SH3BP4: variants seen among roughly 807,000 people sequenced by gnomAD.
SH3BP4 encodes SH3 domain binding protein 4, also known as SH3 domain-binding protein 4.
Under a neutral mutation model 65.5 loss-of-function variants are expected in SH3BP4, and 33 were observed. The ratio of observed to expected loss-of-function variants is 0.50; its 90% CI spans 0.38 to 0.67. The LOEUF (loss-of-function observed/expected upper bound fraction) is 0.67, where lower values mean the gene tolerates loss of function less well. Ranked by LOEUF, SH3BP4 falls within the 30% of genes least tolerant of loss-of-function variation. SH3BP4 has a pLI of 0.00. For synonymous variants in SH3BP4, 552 were observed against 545.5 expected (o/e 1.01, Z -0.17); for missense variants, 1,134 against 1,261.4 (o/e 0.90, Z 1.53).
At position 234,974,853 on chromosome 2, in the gene SH3BP4, G is replaced by T. The variant is rs1460643935; in HGVS notation, c.-206-20450G>T. Among the ~76,000 whole-genome samples the T allele has an allele frequency of 6.6e-6, 1 of 152,160 alleles. No homozygotes were observed. Among genetic ancestry groups the T allele is most frequent in the Non-Finnish European group, 1.5e-5 (1 of 68,028 alleles). Reference sequence around the variant, plus strand: ...GCCAGTCAGTGTGCCCACACTGGGGGTGCTGCAGGTCGCGTTTCACCCTGG... The same window carrying T: ...GCCAGTCAGTGTGCCCACACTGGGGTTGCTGCAGGTCGCGTTTCACCCTGG... On this transcript the variant is annotated intron_variant, in intron 1 of 5. Transcript: ENST00000392011. This position sits in a 1 kb window ranked among gnomAD's most constrained non-coding sequence, Gnocchi z 4.6.
intron 2 of SH3BP4, among the ~76,000 whole-genome samples, chr2:235,017,630 G>A (rs962074489): frequency 6.6e-6 from 1 of 151,898 alleles, no homozygotes; most frequent in Non-Finnish European, 1.5e-5. Context: ...TTGCTTTATC[G>A]ACATGAGTGA....
At chr2:235,036,544 A>C (rs1695384904) in intron 3 of SH3BP4, among the ~76,000 whole-genome samples, 1 of 152,062 alleles carries the variant, frequency 6.6e-6, no homozygotes, top group Non-Finnish European at 1.5e-5. Flanking sequence ...TCACGAGGTC[A>C]GGAGTTCGAG....
At chr2:235,047,158 G>T (rs889911595) in intron 4 of SH3BP4, among the ~76,000 whole-genome samples, 4 of 152,204 alleles carry the variant, frequency 2.6e-5, no homozygotes, top group African/African-American at 9.7e-5. Context: ...TTCAAGGGAG[G>T]GGCAAAGGCA....
At position 234,978,434 on chromosome 2, in the gene SH3BP4, C is replaced by T. The variant is rs1487029871; in HGVS notation, c.-206-16869C>T. On this transcript the variant is annotated intron_variant, in intron 1 of 5. Transcript: ENST00000392011. This position sits in a 1 kb window ranked among gnomAD's most constrained non-coding sequence, Gnocchi z 4.1. ...TGCAGTCACTGCGGGACCAGGTACT[C>T]TTTTCCTGCGCCCCACACTGCCCCA... 6.6e-6 allele frequency among the ~76,000 whole-genome samples: 1 copy of T among 152,200 alleles called. No individual in the cohort carries two copies. Among genetic ancestry groups the T allele is most frequent in the Non-Finnish European group, 1.5e-5 (1 of 68,032 alleles).
intron 1 of SH3BP4, among the ~76,000 whole-genome samples, chr2:234,986,803 G>T (rs1693572461): frequency 7.7e-6 from 1 of 129,182 alleles, no homozygotes; most frequent in African/African-American, 3.0e-5. Context: ...TTATGCTAAT[G>T]ATTTTATTTT....
chr2:234,998,257 G>A (rs941834413), intron 2 of SH3BP4, among the ~76,000 whole-genome samples: 11 of 152,184 alleles, frequency 7.2e-5, no homozygotes, highest in Non-Finnish European at 1.5e-4. Context: ...ACGTGGGCTG[G>A]TACCACACCC....
At chr2:234,972,588 A>G (rs925425843) in intron 1 of SH3BP4, among the ~76,000 whole-genome samples, 3 of 152,060 alleles carry the variant, frequency 2.0e-5, no homozygotes, top group Non-Finnish European at 4.4e-5. Context: ...TTAGCTGGGC[A>G]TGGTGGCATG....
rs780468665 is a variant in SH3BP4, at chr2:235,052,709, G to A, written c.2626G>A (p.Glu876Lys). The A allele has an allele frequency of 1.3e-5, 21 of 1,605,942 alleles. No individual in the cohort carries two copies. Among genetic ancestry groups the A allele is most frequent in the Non-Finnish European group, 1.8e-5 (21 of 1,176,788 alleles). The part of the protein sequence containing the change: ...KVSKQQMDAY[E>K]SPHRDRNGVV... ...CTCCAAGCAGCAGATGGACGCCTAC[G>A]AGTCTCCCCACCGGGACAGGAACGG... is the stretch of plus-strand genomic sequence containing the variant. The change falls in exon 5 of 6, where the codon GAG (glutamate) becomes AAG (lysine). Residue 876 changes from glutamate (E) to lysine (K), a missense_variant. Coordinates refer to ENST00000392011, the MANE Select transcript of SH3BP4 (RefSeq NM_014521.3). This position sits in a 1 kb window ranked among gnomAD's most constrained non-coding sequence, Gnocchi z 5.0.
rs1324918482 is a variant in SH3BP4, at chr2:235,033,347, T to C, written c.-132-1524T>C. Among the ~76,000 whole-genome samples the C allele has an allele frequency of 2.0e-5, 3 of 152,232 alleles. No homozygotes were observed. Among genetic ancestry groups the C allele is most frequent in the African/African-American group, 7.2e-5 (3 of 41,456 alleles). ...TCTCTGGTGTCTCAAATAAAGGCGC[T>C]GATCTGATCATGAGGACCCCACCTT... On this transcript the variant is annotated intron_variant, in intron 2 of 5. Transcript: ENST00000392011. The surrounding 1 kb of genome is among the most constrained non-coding windows in gnomAD (Gnocchi z 5.7).
chr2:235,047,811 G>C, intron 4 of SH3BP4, among the ~76,000 whole-genome samples: 1 of 152,138 alleles, frequency 6.6e-6, no homozygotes, highest in Non-Finnish European at 1.5e-5. Flanking sequence ...GCTGTAGCAG[G>C]GGCGTTTTGG....
At chr2:234,998,937 A>C (rs1694013193) in intron 2 of SH3BP4, among the ~76,000 whole-genome samples, 1 of 151,374 alleles carries the variant, frequency 6.6e-6, no homozygotes, top group South Asian at 2.1e-4. Context: ...CCAAGGCCTG[A>C]CCTCCCCGTA....
chr2:235,015,714 T>C (rs1053424515), intron 2 of SH3BP4, among the ~76,000 whole-genome samples: 19 of 152,056 alleles, frequency 1.2e-4, no homozygotes, highest in African/African-American at 4.3e-4. Context: ...AGTGGTGGGG[T>C]TGGCCAGAGG....
intron 3 of SH3BP4, among the ~76,000 whole-genome samples, chr2:235,038,339 G>T (rs1346060046): frequency 0.065 from 776 of 11,958 alleles, 60 homozygotes; most frequent in African/African-American, 0.13. Context: ...ATTATATATA[G>T]TATATATATT....
intron 1 of SH3BP4, among the ~76,000 whole-genome samples, chr2:234,956,870 T>C (rs1199965663): frequency 6.6e-6 from 1 of 152,084 alleles, no homozygotes; most frequent in East Asian, 1.9e-4. Flanking sequence ...TTGCCCCATT[T>C]TTATGAGCAG....
At chr2:235,037,052 G>A (rs746434546) in intron 3 of SH3BP4, among the ~76,000 whole-genome samples, 10 of 152,152 alleles carry the variant, frequency 6.6e-5, no homozygotes, top group African/African-American at 1.9e-4. Flanking sequence ...TTCAGCCAAA[G>A]TATCTGCCAT....
chr2:234,959,193 C>G (rs181253861), intron 1 of SH3BP4, among the ~76,000 whole-genome samples: 1 of 152,218 alleles, frequency 6.6e-6, no homozygotes, highest in Admixed American at 6.5e-5. Context: ...GCCCAGTTCA[C>G]ACTGCCTTCT....
Position 235,042,690 on chromosome 2 carries a change from A to G in SH3BP4, c.1921A>G (p.Thr641Ala). The stretch of plus-strand genomic sequence containing the variant: ...GAAAATCATCCTGTCCCCGTTTGCC[A>G]CCACTACAAAGTACCCGACTTTCCA... ...VGKIILSPFA[T>A]TTKYPTFQDR... Residue 641 changes from threonine (T) to alanine (A), a missense_variant, in exon 4 of 6, where the codon ACC becomes GCC. Coordinates refer to ENST00000392011, the MANE Select transcript of SH3BP4 (RefSeq NM_014521.3). This position sits in a 1 kb window ranked among gnomAD's most constrained non-coding sequence, Gnocchi z 7.3. 2.5e-6 allele frequency: 4 copies of G among 1,614,196 alleles called. No individual in the cohort carries two copies. The highest frequency in any genetic ancestry group is 1.1e-5 in the South Asian group (1 of 91,086).
Position 235,055,358 on chromosome 2 carries a change from A to G in SH3BP4, c.*1542A>G, listed in dbSNP as rs1420957554. The G allele has an allele frequency of 6.6e-6, 1 of 152,610 alleles. No homozygotes were observed. The highest frequency in any genetic ancestry group is 1.5e-5 in the Non-Finnish European group (1 of 68,034). 9.5% of individuals were successfully genotyped at this position (152,610 alleles called of 1,614,324 possible). A position where few individuals can be genotyped will look rare whatever the true frequency, so the allele number is the denominator to read the frequency against. On this transcript the variant is annotated 3_prime_UTR_variant, in exon 6 of 6. Coordinates refer to ENST00000392011, the MANE Select transcript of SH3BP4 (RefSeq NM_014521.3). ...GCTACTTATTCAGATACTGAAGACC[A>G]ACGGACTGAAAAAAAGAACAAACAT...
At chr2:234,979,937 C>G (rs1486630938) in intron 1 of SH3BP4, 3 of 152,258 alleles carry the variant, frequency 2.0e-5, no homozygotes, top group African/African-American at 7.2e-5. Flanking sequence ...AAGAGAGTCT[C>G]TTCTTTACCA....
Sources: gnomAD v4.1 joint callset for allele counts (sites outside exome capture counted in the v4.1 genomes callset) on GRCh38, gnomAD v4.1.1 for gene constraint, Gnocchi (gnomAD v3.1) non-coding constraint, MANE v1.5 for transcripts, NCBI Gene and HGNC (gene_info 2026-07-23, HGNC 2026-07-21) for gene names.